SRSF5: variants seen among roughly 807,000 people sequenced by gnomAD.
SRSF5 encodes the protein serine/arginine-rich splicing factor 5.
In SRSF5, 5 loss-of-function variants were observed where a neutral mutation model predicts 34.0. The ratio of observed to expected loss-of-function variants is 0.15; its 90% CI spans 0.08 to 0.31. The LOEUF (loss-of-function observed/expected upper bound fraction) is 0.31, where lower values mean the gene tolerates loss of function less well. Ranked by LOEUF, SRSF5 falls within the 10% of genes least tolerant of loss-of-function variation. The pLI is 1.00. For synonymous variants in SRSF5, 164 were observed against 117.7 expected (o/e 1.39, Z -2.55); for missense variants, 223 against 351.4 (o/e 0.63, Z 2.92).
At chr14:69,770,069 T>C (rs1193652567) in intron 5 of SRSF5, 10 of 1,026,294 alleles carry the variant, frequency 9.7e-6, no homozygotes, top group Admixed American at 1.1e-4. Flanking sequence ...TAATGACATA[T>C]GGGGCACAAA....
Position 69,771,314 on chromosome 14 carries a change from G to C in SRSF5, c.672G>C (p.Arg224=). ...GAAGCAGGAGCAGGAGCCGGAGCCG[G>C]AGCAAGTCCCGTTCTGTTAGTAGGT... is the stretch of plus-strand genomic sequence containing the variant. ...RSRSRSRSRS[R]SKSRSVSRSP... is the part of the protein sequence containing the mutation. The change falls in exon 8 of 8, where the codon CGG becomes CGC. Residue 224 remains arginine (R), a synonymous_variant. Transcript: ENST00000557154. The C allele has an allele frequency of 1.9e-6, 3 of 1,614,150 alleles. No homozygotes were observed. The South Asian group carries it at 3.3e-5, about 18-fold the overall frequency.
At chr14:69,768,925 A>G (rs768590464) in intron 4 of SRSF5, 29 bp downstream of exon 4, 1 of 1,599,106 alleles carries the variant, frequency 6.3e-7, no homozygotes, top group Non-Finnish European at 8.6e-7. Flanking sequence ...GCTGCATTGA[A>G]CAATTATTGT....
chr14:69,769,623 T>C, intron 5 of SRSF5: 1 of 1,534,970 alleles, frequency 6.5e-7, no homozygotes, highest in South Asian at 1.2e-5. Flanking sequence ...CCTACAGTGA[T>C]CAGTTGGCCA....
rs1263599767 is a variant in SRSF5 at position 69,771,212 on chromosome 14, T to G, written c.570T>G (p.Ser190=). The change falls in exon 8 of 8, where the codon TCT becomes TCG. Residue 190 remains serine (S), a synonymous_variant. Coordinates refer to ENST00000557154, the MANE Select transcript of SRSF5 (RefSeq NM_001320214.2). ...SKRHSRSRSR[S]RSRTRSSSRS... is the part of the protein sequence containing the mutation. ...TTCATAGTAGGTCAAGAAGCAGGTC[T>G]CGATCCCGGACCAGAAGTTCCTCTA... 6.2e-7 allele frequency: 1 copy of G among 1,614,080 alleles called. No homozygotes were observed. Among genetic ancestry groups the G allele is most frequent in the Non-Finnish European group, 8.5e-7 (1 of 1,180,052 alleles).
intron 3 of SRSF5, 32 bp downstream of exon 3, chr14:69,768,706 G>T (rs1317477030): frequency 6.2e-7 from 1 of 1,611,958 alleles, no homozygotes; most frequent in Non-Finnish European, 8.5e-7. Context: ...ATAACCCTGG[G>T]ACATAGAGCA....
chr14:69,769,653 C>G (rs1056295594), intron 5 of SRSF5: 2 of 1,522,094 alleles, frequency 1.3e-6, no homozygotes. Flanking sequence ...CTGTGTTTGC[C>G]GGTCTAGACG....
In SRSF5 at chr14:69,768,097, A is replaced by T. The variant is rs914698486; in HGVS notation, c.-19-41A>T. The stretch of plus-strand genomic sequence containing the variant: ...TTGTTTAATCAGGCGTTTCTCTGTG[A>T]CAGTCATTGCTATTATCTCGATTGA... On this transcript the variant is annotated intron_variant, in intron 1 of 7. Transcript: ENST00000557154. 4 of 1,606,984 alleles carry T rather than the reference A, an allele frequency of 2.5e-6. No homozygotes were observed. In the African/African-American group the frequency reaches 4.0e-5, roughly 16 times the overall value.
At chr14:69,767,601 A>G (rs1566624090) in intron 1 of SRSF5, 1 of 453,696 alleles carries the variant, frequency 2.2e-6, no homozygotes. Flanking sequence ...GTGACCCCCG[A>G]GAAGGGGGTT....
rs1313254261 is a variant in SRSF5 at position 69,769,463 on chromosome 14, T to C, written c.366+212T>C. The C allele has an allele frequency of 5.9e-6, 9 of 1,534,372 alleles. No individual in the cohort carries two copies. The South Asian group carries it at 1.1e-4, about 18-fold the overall frequency. On this transcript the variant is annotated intron_variant, in intron 5 of 7. Coordinates refer to ENST00000557154, the MANE Select transcript of SRSF5 (RefSeq NM_001320214.2). ...AAATGTTTTGAGGATATTTTTCTTGTTTTTTAAAATCAATTTTTAACCAAA... is the reference window on the plus strand; with the variant it reads ...AAATGTTTTGAGGATATTTTTCTTGCTTTTTAAAATCAATTTTTAACCAAA...
Position 69,769,269 on chromosome 14 carries a change from T to G in SRSF5, c.366+18T>G. ...GCTGGCAGGTTTGTTGAAATACAGT[T>G]TTGAGTTATTTTGATGTGGCTTTTT... On this transcript the variant is annotated intron_variant, in intron 5 of 7. Coordinates refer to ENST00000557154, the MANE Select transcript of SRSF5 (RefSeq NM_001320214.2). 2 of 1,613,410 alleles carry G rather than the reference T, an allele frequency of 1.2e-6. No individual in the cohort carries two copies. The highest frequency in any genetic ancestry group is 2.7e-5 in the African/African-American group (2 of 75,008).
rs748043051 is a variant in SRSF5, at chr14:69,771,492, T to G, written c.*31T>G. On this transcript the variant is annotated 3_prime_UTR_variant, in exon 8 of 8. Transcript: ENST00000557154. ...AAATAACTTGCCCTGGGGGCCTTTT[T>G]TTAAAAAACAAAAACCACAAAAATT... 1.2e-5 allele frequency: 19 copies of G among 1,581,856 alleles called. No individual in the cohort carries two copies. In the African/African-American group the frequency reaches 2.3e-4, roughly 19 times the overall value.
In SRSF5 at chr14:69,768,293, A is replaced by G. The variant is rs767007367; in HGVS notation, c.126+11A>G. The G allele has an allele frequency of 3.2e-5, 51 of 1,614,006 alleles. No homozygotes were observed. Among genetic ancestry groups the G allele is most frequent in the Admixed American group, 1.5e-4 (9 of 59,996 alleles). ...GGCTTTGGTTTTGTGGTAAGTATTT[A>G]GAACTGGGTGAATTATCTGCTAAGT... On this transcript the variant is annotated intron_variant, in intron 2 of 7. Transcript: ENST00000557154.
rs1049232692 is a variant in SRSF5 at position 69,770,378 on chromosome 14, C to T, written c.367-89C>T. ...GTTTGTACTTTATCTAACATCTTCT[C>T]TTTCAGTAGTCTTGTTTTTTTTATA... On this transcript the variant is annotated intron_variant, in intron 5 of 7. Coordinates refer to ENST00000557154, the MANE Select transcript of SRSF5 (RefSeq NM_001320214.2). The T allele has an allele frequency of 1.3e-5, 20 of 1,537,604 alleles. No individual in the cohort carries two copies. In the Admixed American group the frequency reaches 1.5e-4, roughly 12 times the overall value.
At chr14:69,768,926 C>G (rs1310985924) in intron 4 of SRSF5, 30 bp downstream of exon 4, 2 of 1,597,052 alleles carry the variant, frequency 1.3e-6, no homozygotes, top group Non-Finnish European at 8.6e-7. Context: ...CTGCATTGAA[C>G]AATTATTGTA....
intron 6 of SRSF5, 106 bp downstream of exon 6, chr14:69,770,646 C>A: frequency 2.8e-6 from 3 of 1,075,040 alleles, no homozygotes; most frequent in Admixed American, 2.2e-5. Flanking sequence ...CAGAGATTCT[C>A]CAGAGACAAT....
chr14:69,770,950 A>G (rs1419911058), intron 6 of SRSF5, 45 bp from the exon 7 acceptor site: 2 of 1,517,878 alleles, frequency 1.3e-6, no homozygotes, highest in South Asian at 1.2e-5. Flanking sequence ...AATGTGTGAG[A>G]CTACAGGATG....
At chr14:69,768,457 A>T in intron 2 of SRSF5, 147 bp from the exon 3 acceptor site, 3 of 1,185,076 alleles carry the variant, frequency 2.5e-6, no homozygotes, top group South Asian at 1.4e-5. Context: ...CTGGAACCCC[A>T]CTCCCAGTGG....
In SRSF5 at chr14:69,771,071, A is replaced by G; in HGVS notation, c.517A>G (p.Lys173Glu). 6.2e-7 allele frequency: 1 copy of G among 1,614,064 alleles called. No homozygotes were observed. The highest frequency in any genetic ancestry group is 8.5e-7 in the Non-Finnish European group (1 of 1,179,992). ...TTCTGGAAAGGAAATAAATGGGAGAAAAATAAAATTAATTGAAGGCAGCAA... is the reference window on the plus strand; with the variant it reads ...TTCTGGAAAGGAAATAAATGGGAGAGAAATAAAATTAATTGAAGGCAGCAA... ...KLSGKEINGR[K>E]IKLIEGSKRH... is the part of the protein sequence containing the mutation. The change falls in exon 7 of 8, where the codon AAA becomes GAA. Residue 173 changes from lysine to glutamate, a missense_variant. Lys to Glu is a moderately conservative substitution (Grantham distance 56). Transcript: ENST00000557154.
At position 69,768,829 on chromosome 14, in the gene SRSF5, C is replaced by G; in HGVS notation, c.229C>G (p.Arg77Gly). 6.2e-7 allele frequency: 1 copy of G among 1,614,132 alleles called. No homozygotes were observed. The highest frequency in any genetic ancestry group is 8.5e-7 in the Non-Finnish European group (1 of 1,180,032). ...TATTGAACATGCTAGGGCTCGGTCA[C>G]GAGGTGGAAGAGGTAGAGGACGATA... ...VTIEHARARS[R>G]GGRGRGRYSD... is the part of the protein sequence containing the mutation. The change falls in exon 4 of 8, where the codon CGA becomes GGA. Residue 77 changes from arginine to glycine, a missense_variant. By Grantham distance (125) the Arg-to-Gly change is moderately radical. Around this residue, in one of 4 missense-constraint regions of SRSF5, gnomAD observed 44 missense variants for 44.3 expected, o/e 0.99. Coordinates refer to ENST00000557154, the MANE Select transcript of SRSF5 (RefSeq NM_001320214.2).
Sources: allele counts gnomAD v4.1 joint callset, GRCh38; gene constraint gnomAD v4.1.1; regional missense constraint gnomAD v4.1.1; transcripts MANE v1.5; gene names NCBI Gene and HGNC (gene_info 2026-07-23, HGNC 2026-07-21).